The following SDHC variants were observed in gnomAD, a reference collection of about 807,000 sequenced individuals.
SDHC encodes succinate dehydrogenase complex subunit C.
In SDHC, 11 loss-of-function variants were observed where a neutral mutation model predicts 22.6. That is an observed-to-expected ratio of 0.49 (90% confidence interval 0.31 to 0.81). The LOEUF is 0.81. Among genes scored for constraint, SDHC ranks in the 30% least tolerant of loss-of-function variants. The pLI is 0.05. For missense variants in SDHC, 160 were observed against 212.0 expected (o/e 0.75, Z 1.52); for synonymous variants, 80 against 77.8 (o/e 1.03, Z -0.15).
chr1:161,314,485 C>T (rs1670527462), intron 1 of SDHC, 60 bp downstream of exon 1: 2 of 1,591,242 alleles, frequency 1.3e-6, no homozygotes, highest in Non-Finnish European at 1.7e-6. Context: ...GAACTGGCCC[C>T]TCACGTTTTG....
At chr1:161,327,479 C>T (rs112343859) in intron 2 of SDHC, among the ~76,000 whole-genome samples, 6 of 152,138 alleles carry the variant, frequency 3.9e-5, no homozygotes, top group Non-Finnish European at 8.8e-5. Flanking sequence ...CAAGCTGCTT[C>T]CTTAGCTGTA....
chr1:161,359,611 G>A (rs4474277), intron 5 of SDHC, among the ~76,000 whole-genome samples: 17,819 of 152,220 alleles, frequency 0.12, 1,418 homozygotes, highest in African/African-American at 0.22. Flanking sequence ...TAAAATTGCA[G>A]AACTTAGAGC....
At chr1:161,348,128 A>G (rs890707393) in intron 4 of SDHC, among the ~76,000 whole-genome samples, 1 of 152,140 alleles carries the variant, frequency 6.6e-6, no homozygotes, top group African/African-American at 2.4e-5. Flanking sequence ...TTAAAATAGA[A>G]TTTATTAAAA....
intron 4 of SDHC, among the ~76,000 whole-genome samples, chr1:161,343,469 T>C (rs1671789361): frequency 6.6e-6 from 1 of 152,188 alleles, no homozygotes; most frequent in South Asian, 2.1e-4. Context: ...TTTTTGTTCT[T>C]TTTCATTCCT....
chr1:161,331,712 C>T (rs1671282047), intron 3 of SDHC, among the ~76,000 whole-genome samples: 1 of 151,886 alleles, frequency 6.6e-6, no homozygotes, highest in South Asian at 2.1e-4. Flanking sequence ...TCTCCTGCCT[C>T]AGCCTCCCAA....
rs368986226 is a variant in SDHC, at chr1:161,341,045, A to G, written c.241+390A>G. 8.8e-4 allele frequency among the ~76,000 whole-genome samples: 134 copies of G among 152,194 alleles called. 5 individuals carry two copies. In the South Asian group the frequency reaches 0.027, roughly 31 times the overall value. On this transcript the variant is annotated intron_variant, in intron 4 of 5. Coordinates refer to ENST00000367975, the MANE Select transcript of SDHC (RefSeq NM_003001.5). ...TTTTTAGTAGAGACGGGGTTTCACC[A>G]TGTTAGCCAGGATGGTCTTGATCTG...
rs1014189365 is a variant in SDHC, at chr1:161,314,437, G to C, written c.20+12G>C. 8 of 1,613,910 alleles carry C rather than the reference G, an allele frequency of 5.0e-6. No homozygotes were observed. The highest frequency in any genetic ancestry group is 1.3e-5 in the African/African-American group (1 of 74,878). The stretch of plus-strand genomic sequence containing the variant: ...GCGCTGTTGCTGAGGTGACTTCAGT[G>C]GGACTGGGAGTTGGTGCCTGCGGCC... On this transcript the variant is annotated intron_variant, in intron 1 of 5. Transcript: ENST00000367975.
chr1:161,331,841 C>G (rs770258590), intron 3 of SDHC, among the ~76,000 whole-genome samples: 1 of 150,892 alleles, frequency 6.6e-6, no homozygotes, highest in Non-Finnish European at 1.5e-5. Flanking sequence ...GTGATCTGCC[C>G]GCCCTGGCCT....
intron 4 of SDHC, among the ~76,000 whole-genome samples, chr1:161,351,850 C>G (rs1672109756): frequency 6.6e-6 from 1 of 152,136 alleles, no homozygotes; most frequent in Non-Finnish European, 1.5e-5. Flanking sequence ...CATGAAGGCT[C>G]TTTTAGATGT....
At chr1:161,358,945 A>AT (rs1672394321) in intron 5 of SDHC, among the ~76,000 whole-genome samples, 1 of 146,032 alleles carries the variant, frequency 6.8e-6, no homozygotes. Context: ...AAAAAAAAAA[A>AT]AATACAAAAA....
chr1:161,344,663 A>G (rs1373988307), intron 4 of SDHC, among the ~76,000 whole-genome samples: 18 of 152,142 alleles, frequency 1.2e-4, no homozygotes, highest in Non-Finnish European at 7.3e-5. Context: ...ATCGTAAAGG[A>G]ATAGGTTTTT....
At chr1:161,343,362 G>T (rs1671785435) in intron 4 of SDHC, among the ~76,000 whole-genome samples, 1 of 152,048 alleles carries the variant, frequency 6.6e-6, no homozygotes, top group Non-Finnish European at 1.5e-5. Context: ...TCTCATATAT[G>T]TGTGTGTGTA....
At chr1:161,339,457 A>T in intron 3 of SDHC, 1 of 522,860 alleles carries the variant, frequency 1.9e-6, no homozygotes, top group Non-Finnish European at 3.1e-6. Flanking sequence ...TACTAGGATT[A>T]CAGGTGTGAG....
At chr1:161,339,388 G>A (rs763500697) in intron 3 of SDHC, among the ~76,000 whole-genome samples, 4 of 147,336 alleles carry the variant, frequency 2.7e-5, no homozygotes, top group East Asian at 2.0e-4. Context: ...GTCTCATTAC[G>A]TTGCCTAGGT....
intron 4 of SDHC, among the ~76,000 whole-genome samples, chr1:161,350,369 T>A (rs944432077): frequency 5.9e-5 from 9 of 152,178 alleles, no homozygotes; most frequent in African/African-American, 2.2e-4. Context: ...ACCTTTTTGC[T>A]GTGTATGGGG....
chr1:161,335,901 A>C (rs1671465189), intron 3 of SDHC, among the ~76,000 whole-genome samples: 1 of 152,162 alleles, frequency 6.6e-6, no homozygotes, highest in Non-Finnish European at 1.5e-5. Context: ...CTTTGAAGAT[A>C]AGTCCCTGTA....
chr1:161,361,008 A>C (rs1386126484), intron 5 of SDHC, among the ~76,000 whole-genome samples: 2 of 151,888 alleles, frequency 1.3e-5, no homozygotes, highest in Non-Finnish European at 2.9e-5. Flanking sequence ...AGCCACTGGC[A>C]GGGCTGAGGC....
rs141231957 is a variant in SDHC, at chr1:161,351,073, A to G, written c.242-5604A>G. ...CAAAGGAGAGAGGCATTGAACCTGG[A>G]AGGCACAAATTATCCAGTCAGTGGA... On this transcript the variant is annotated intron_variant, in intron 4 of 5. Transcript: ENST00000367975. Among the ~76,000 whole-genome samples, 305 of 152,306 alleles carry G rather than the reference A, an allele frequency of 2.0e-3. 1 individual carries two copies. Among genetic ancestry groups the G allele is most frequent in the African/African-American group, 7.0e-3 (290 of 41,564 alleles).
chr1:161,353,712 G>A (rs1558181330), intron 4 of SDHC, among the ~76,000 whole-genome samples: 3 of 152,156 alleles, frequency 2.0e-5, no homozygotes, highest in Non-Finnish European at 4.4e-5. Context: ...GCTGGGCACA[G>A]TGGCTGACAA....
Sources: gnomAD v4.1 joint callset for allele counts (sites outside exome capture counted in the v4.1 genomes callset) on GRCh38, gnomAD v4.1.1 for gene constraint, MANE v1.5 for transcripts, NCBI Gene and HGNC (gene_info 2026-07-23, HGNC 2026-07-21) for gene names.